CCDC88C: variants seen among roughly 807,000 people sequenced by gnomAD.
CCDC88C encodes protein Daple.
CCDC88C carries 131 observed loss-of-function variants against 198.8 expected under a neutral mutation model. That is an observed-to-expected ratio of 0.66 (90% CI 0.57 to 0.76). CCDC88C has a LOEUF of 0.76. CCDC88C is among the 30% of genes least tolerant of loss of function. The pLI, the probability that CCDC88C is intolerant of heterozygous loss-of-function variation, is 0.00. For missense variants in CCDC88C, 2,553 were observed against 2,631.6 expected (o/e 0.97, Z 0.65); for synonymous variants, 1,166 against 1,114.7 (o/e 1.05, Z -0.92).
Position 91,391,187 on chromosome 14 carries a change from GA to G in CCDC88C, c.270+17471del, listed in dbSNP as rs1224865968. 2.0e-5 allele frequency among the ~76,000 whole-genome samples: 3 copies of G among 151,086 alleles called. No homozygotes were observed. The East Asian group carries it at 5.9e-4, about 30-fold the overall frequency. ...CCTCATGCTGGACCCAGGGAATGCA[GA>G]ACACAGTTCTTTTAGTTTACCATCA... On this transcript the variant is annotated intron_variant, in intron 3 of 29. Transcript: ENST00000389857.
At chr14:91,376,729 T>C (rs540675033) in intron 3 of CCDC88C, among the ~76,000 whole-genome samples, 1 of 152,260 alleles carries the variant, frequency 6.6e-6, no homozygotes, top group East Asian at 1.9e-4. Context: ...TGCCCTCCCA[T>C]GGGGGCCACG....
At position 91,371,002 on chromosome 14, in the gene CCDC88C, GGT is replaced by G. The variant is rs1437724429; in HGVS notation, c.271-11293_271-11292del. On this transcript the variant is annotated intron_variant, in intron 3 of 29. Transcript: ENST00000389857. This position sits in a 1 kb window ranked among gnomAD's most constrained non-coding sequence, Gnocchi z 4.2. The stretch of plus-strand genomic sequence containing the variant: ...CTGCTGAGTGCATGCCATGCCCTGA[GGT>G]GTGTGTTTGGGGTGAGGCAGAAGGA... Among the ~76,000 whole-genome samples, 5 of 152,174 alleles carry G rather than the reference GGT, an allele frequency of 3.3e-5. No individual in the cohort carries two copies. Among genetic ancestry groups the G allele is most frequent in the African/African-American group, 1.2e-4 (5 of 41,440 alleles).
chr14:91,347,884 C>A (rs369353442), intron 4 of CCDC88C, among the ~76,000 whole-genome samples: 3 of 152,176 alleles, frequency 2.0e-5, no homozygotes, highest in Non-Finnish European at 4.4e-5. Flanking sequence ...CACATGCACA[C>A]GTACGTTTAT....
intron 17 of CCDC88C, among the ~76,000 whole-genome samples, chr14:91,308,045 T>C (rs1324872964): frequency 2.0e-5 from 3 of 152,232 alleles, no homozygotes; most frequent in South Asian, 4.1e-4. Flanking sequence ...CTGCAGGCCG[T>C]TGCTCAGTGC....
At chr14:91,315,876 AATGC>A in intron 13 of CCDC88C, 89 bp from the exon 14 acceptor site, 1 of 1,369,018 alleles carries the variant, frequency 7.3e-7, no homozygotes, top group Non-Finnish European at 1.0e-6. Context: ...ACCCCAACAG[AATGC>A]ACTGATGGGT....
intron 10 of CCDC88C, among the ~76,000 whole-genome samples, chr14:91,336,411 C>T (rs532216365): frequency 2.0e-5 from 3 of 152,324 alleles, no homozygotes; most frequent in Admixed American, 1.3e-4. Flanking sequence ...GTGGGAGTCA[C>T]GTTCCATCCA....
At chr14:91,276,678 A>T (rs1889978084) in intron 29 of CCDC88C, among the ~76,000 whole-genome samples, 1 of 152,246 alleles carries the variant, frequency 6.6e-6, no homozygotes, top group South Asian at 2.1e-4. Flanking sequence ...GTGTTTCTTT[A>T]AGGGGAATGA....
intron 3 of CCDC88C, among the ~76,000 whole-genome samples, chr14:91,407,901 G>C (rs1431293630): frequency 1.3e-5 from 2 of 152,156 alleles, no homozygotes; most frequent in South Asian, 2.1e-4. Context: ...TCCTGCCTCA[G>C]CCTCCTGAGT....
In CCDC88C at chr14:91,313,493, G is replaced by T. The variant is rs1233969989; in HGVS notation, c.2323C>A (p.Leu775Met). ...TGCGTCTTGTGGCTGCTGCTCTCCA[G>T]GCTCTGCTGCAGCCGGAGGTTCTCA... ...SAENLRLQQSLESSSHKTQTL... is the reference protein window; with the variant it reads ...SAENLRLQQSMESSSHKTQTL... Residue 775 changes from leucine to methionine, a missense_variant, in exon 15 of 30, where the codon CTG (leucine) becomes ATG (methionine). Leu to Met is a conservative substitution (Grantham distance 15). Coordinates refer to ENST00000389857, the MANE Select transcript of CCDC88C (RefSeq NM_001080414.4). This position sits in a 1 kb window ranked among gnomAD's most constrained non-coding sequence, Gnocchi z 5.2. The T allele has an allele frequency of 6.2e-7, 1 of 1,607,868 alleles. No individual in the cohort carries two copies. Among genetic ancestry groups the T allele is most frequent in the Non-Finnish European group, 8.5e-7 (1 of 1,179,762 alleles).
intron 13 of CCDC88C, among the ~76,000 whole-genome samples, chr14:91,317,941 A>G (rs1286212565): frequency 1.3e-5 from 2 of 152,260 alleles, no homozygotes; most frequent in Non-Finnish European, 2.9e-5. Flanking sequence ...GTGACCTGCC[A>G]GAAGGGGCCC....
At chr14:91,382,926 C>T (rs1401801578) in intron 3 of CCDC88C, among the ~76,000 whole-genome samples, 1 of 152,132 alleles carries the variant, frequency 6.6e-6, no homozygotes, top group African/African-American at 2.4e-5. Flanking sequence ...TGGGCTGTGA[C>T]CCTCATCCTA....
At chr14:91,304,035 G>A (rs1250050861) in intron 19 of CCDC88C, 57 bp from the exon 20 acceptor site, 1 of 1,565,216 alleles carries the variant, frequency 6.4e-7, no homozygotes, top group Admixed American at 1.7e-5. Context: ...GAGGAGGGCT[G>A]GGGAGCAGGT....
At position 91,301,349 on chromosome 14, in the gene CCDC88C, A is replaced by G. The variant is rs540842751; in HGVS notation, c.3636-1279T>C. ...TGAGTAACTACCACATGCTGTACTG[A>G]GCAAGGACCTGCAGGGAAAACAACA... is the stretch of plus-strand genomic sequence containing the variant. On this transcript the variant is annotated intron_variant, in intron 20 of 29. Coordinates refer to ENST00000389857, the MANE Select transcript of CCDC88C (RefSeq NM_001080414.4). Among the ~76,000 whole-genome samples the G allele has an allele frequency of 5.9e-5, 9 of 152,332 alleles. No individual in the cohort carries two copies. The East Asian group carries it at 1.7e-3, about 29-fold the overall frequency.
intron 15 of CCDC88C, among the ~76,000 whole-genome samples, chr14:91,311,900 C>T (rs1032994735): frequency 6.6e-6 from 1 of 150,568 alleles, no homozygotes. Flanking sequence ...ACAAGGATGT[C>T]TAGTATTATT....
chr14:91,344,334 TTTTA>T (rs1893428954), intron 4 of CCDC88C, among the ~76,000 whole-genome samples: 2 of 152,162 alleles, frequency 1.3e-5, no homozygotes, highest in African/African-American at 4.8e-5. Context: ...ACCTTCCCCT[TTTTA>T]TTATGCAAAA....
At position 91,327,707 on chromosome 14, in the gene CCDC88C, G is replaced by A. The variant is rs546879422; in HGVS notation, c.1051-1651C>T. 2.8e-4 allele frequency among the ~76,000 whole-genome samples: 43 copies of A among 152,232 alleles called. 1 individual carries two copies. Among genetic ancestry groups the A allele is most frequent in the Admixed American group, 8.5e-4 (13 of 15,288 alleles). ...ATAACACAAGCCAGAGCACAATGAC[G>A]GGCTTCAAAGCAGAAAGAAGGCCCA... On this transcript the variant is annotated intron_variant, in intron 10 of 29. Coordinates refer to ENST00000389857, the MANE Select transcript of CCDC88C (RefSeq NM_001080414.4).
intron 4 of CCDC88C, among the ~76,000 whole-genome samples, chr14:91,350,792 G>C (rs1893748885): frequency 6.6e-6 from 1 of 152,180 alleles, no homozygotes; most frequent in African/African-American, 2.4e-5. Context: ...ATTCCATAGA[G>C]TAATTCTGCC....
At position 91,289,188 on chromosome 14, in the gene CCDC88C, G is replaced by C; in HGVS notation, c.4358C>G (p.Ser1453Ter). The C allele has an allele frequency of 6.2e-7, 1 of 1,613,994 alleles. No homozygotes were observed. The highest frequency in any genetic ancestry group is 8.5e-7 in the Non-Finnish European group (1 of 1,179,886). Reference sequence around the variant, plus strand: ...GGGGGTGTCGGGGTTCTCGGCCTGTGATCTGAGCGGCTGAGAGGCCGCCGG... The same window carrying C: ...GGGGGTGTCGGGGTTCTCGGCCTGTCATCTGAGCGGCTGAGAGGCCGCCGG... ...ASPAASQPLR[S>*]QAENPDTPAL... is the part of the protein sequence containing the mutation. The change falls in exon 25 of 30, where the codon TCA becomes TGA. Residue 1453 changes from serine to a stop codon, truncating the protein, a stop_gained. Transcript: ENST00000389857. LOFTEE classifies it high-confidence loss of function.
At chr14:91,383,174 G>T (rs150350795) in intron 3 of CCDC88C, among the ~76,000 whole-genome samples, 1 of 152,224 alleles carries the variant, frequency 6.6e-6, no homozygotes, top group East Asian at 1.9e-4. Context: ...TAGACTTGGA[G>T]CTGGGGAAGC....
Sources: allele counts gnomAD v4.1 joint callset (sites outside exome capture counted in the v4.1 genomes callset), GRCh38; gene constraint gnomAD v4.1.1; non-coding constraint Gnocchi (gnomAD v3.1); transcripts MANE v1.5; gene names NCBI Gene and HGNC (gene_info 2026-07-23, HGNC 2026-07-21).